The following PIWIL4 variants were observed in gnomAD, a reference collection of about 807,000 sequenced individuals.
PIWIL4 encodes piwi like RNA-mediated gene silencing 4, also known as piwi-like protein 4.
Under a neutral mutation model 100.9 loss-of-function variants are expected in PIWIL4, and 50 were observed. The ratio of observed to expected loss-of-function variants is 0.50; its 90% CI spans 0.39 to 0.63. The LOEUF (loss-of-function observed/expected upper bound fraction) is 0.63, where lower values mean the gene tolerates loss of function less well. Ranked by LOEUF, PIWIL4 falls within the 20% of genes least tolerant of loss-of-function variation. The pLI, the probability that PIWIL4 is intolerant of heterozygous loss-of-function variation, is 0.00. For synonymous variants in PIWIL4, 342 were observed against 367.5 expected (o/e 0.93, Z 0.79); for missense variants, 887 against 1,043.3 (o/e 0.85, Z 2.06).
chr11:94,589,490 T>C (rs1435429579), intron 8 of PIWIL4, among the ~76,000 whole-genome samples: 1 of 152,190 alleles, frequency 6.6e-6, no homozygotes, highest in African/African-American at 2.4e-5. Context: ...CTAATACATT[T>C]CCATGTCTCC....
chr11:94,611,113 C>A (rs899637528), intron 15 of PIWIL4, among the ~76,000 whole-genome samples: 1 of 152,072 alleles, frequency 6.6e-6, no homozygotes, highest in Non-Finnish European at 1.5e-5. Flanking sequence ...GGCGTCTTAT[C>A]CCATTCCATT....
chr11:94,620,811 C>T, intron 19 of PIWIL4, 65 bp from the exon 20 acceptor site: 1 of 1,268,726 alleles, frequency 7.9e-7, no homozygotes, highest in Non-Finnish European at 1.1e-6. Flanking sequence ...AAAGTAAAAT[C>T]AGAAAAAATC....
chr11:94,568,710 A>C lies in PIWIL4; in HGVS notation c.88-20A>C. On this transcript the variant is annotated intron_variant, in intron 1 of 19. Transcript: ENST00000299001. Reference sequence around the variant, plus strand: ...ACTTACCATTGTAAATCTGAACAAAACTTTTTTTTGCCATTTTAGCCTAGA... The same window carrying C: ...ACTTACCATTGTAAATCTGAACAAACCTTTTTTTTGCCATTTTAGCCTAGA... 1 of 1,556,940 alleles carries C rather than the reference A, an allele frequency of 6.4e-7. No homozygotes were observed. Among genetic ancestry groups the C allele is most frequent in the South Asian group, 1.1e-5 (1 of 89,782 alleles).
chr11:94,585,457 G>T lies in PIWIL4; in HGVS notation c.648G>T (p.Lys216Asn). Residue 216 changes from lysine (K) to asparagine (N), a missense_variant, in exon 6 of 20, where the codon AAG becomes AAT. Physicochemically the swap from Lys to Asn is moderately conservative, Grantham distance 94 (BLOSUM62 0). Transcript: ENST00000299001. ...FNIIFRKILK[K>N]LSMYQIGRNF... ...AATATACTTGCAGGATCCTCAAAAA[G>T]TTGTCCATGTACCAAATTGGACGGA... 2 of 1,608,924 alleles carry T rather than the reference G, an allele frequency of 1.2e-6. No individual in the cohort carries two copies. Among genetic ancestry groups the T allele is most frequent in the Non-Finnish European group, 1.7e-6 (2 of 1,178,144 alleles).
chr11:94,589,015 TC>T, intron 7 of PIWIL4, 105 bp from the exon 8 acceptor site: 1 of 699,178 alleles, frequency 1.4e-6, no homozygotes, highest in Non-Finnish European at 2.4e-6. Flanking sequence ...TTTCATAATT[TC>T]TGACATTCTG....
chr11:94,601,125 A>G (rs1233377538), intron 11 of PIWIL4, among the ~76,000 whole-genome samples: 1 of 151,746 alleles, frequency 6.6e-6, no homozygotes, highest in African/African-American at 2.4e-5. Flanking sequence ...CAGGCATAAG[A>G]AATCACAAAG....
intron 15 of PIWIL4, among the ~76,000 whole-genome samples, chr11:94,610,349 T>G (rs1948774467): frequency 6.6e-6 from 1 of 152,184 alleles, no homozygotes. Context: ...TTTCTTTTCC[T>G]TTGGATATAT....
At chr11:94,577,604 A>C in intron 4 of PIWIL4, 112 bp downstream of exon 4, 1 of 890,534 alleles carries the variant, frequency 1.1e-6, no homozygotes, top group Non-Finnish European at 1.6e-6. Context: ...TTTGTGGAAA[A>C]ATAGAATTAA....
At position 94,567,409 on chromosome 11, in the gene PIWIL4, A is replaced by G. The variant is rs758919499; in HGVS notation, c.-110A>G. 1 of 1,008,534 alleles carries G rather than the reference A, an allele frequency of 9.9e-7. No homozygotes were observed. The highest frequency in any genetic ancestry group is 1.4e-6 in the Non-Finnish European group (1 of 724,592). The allele number at this position is 1,008,534 out of a possible 1,614,324, so 62.5% of individuals were successfully genotyped here. ...CGTTGGTTGTGGATGCTGGACATCC[A>G]CCGCCTCCAGGCAGTTTCGCCGTCA... On this transcript the variant is annotated 5_prime_UTR_variant, in exon 1 of 20. Coordinates refer to ENST00000299001, the MANE Select transcript of PIWIL4 (RefSeq NM_152431.3).
At chr11:94,580,200 CAG>C (rs1948293512) in intron 4 of PIWIL4, among the ~76,000 whole-genome samples, 1 of 152,178 alleles carries the variant, frequency 6.6e-6, no homozygotes. Context: ...TAGGTTTAAA[CAG>C]AATAGTGTTG....
At chr11:94,598,705 CTTT>C (rs769342028) in intron 11 of PIWIL4, among the ~76,000 whole-genome samples, 24 of 110,046 alleles carry the variant, frequency 2.2e-4, no homozygotes, top group African/African-American at 3.6e-4. Context: ...TTTTTTCCAT[CTTT>C]TTTTTTTTTT....
rs183615288 is a variant in PIWIL4, at chr11:94,583,437, C to T, written c.514-11C>T. ...TTTGTAGGGTGCATATTAAGTACCT[C>T]TTTTTCCCAGGTCACAGAGTTGTCA... On this transcript the variant is annotated splice_polypyrimidine_tract_variant and intron_variant, in intron 4 of 19. Coordinates refer to ENST00000299001, the MANE Select transcript of PIWIL4 (RefSeq NM_152431.3). The T allele has an allele frequency of 2.5e-6, 4 of 1,613,026 alleles. No homozygotes were observed. The South Asian group carries it at 4.4e-5, about 18-fold the overall frequency.
intron 8 of PIWIL4, 60 bp from the exon 9 acceptor site, chr11:94,593,458 G>GAT: frequency 6.5e-7 from 1 of 1,542,018 alleles, no homozygotes; most frequent in Non-Finnish European, 8.9e-7. Flanking sequence ...TGAATGTAAG[G>GAT]ATGCTCACCT....
intron 4 of PIWIL4, among the ~76,000 whole-genome samples, chr11:94,580,522 C>T (rs975183769): frequency 6.6e-6 from 1 of 152,148 alleles, no homozygotes; most frequent in African/African-American, 2.4e-5. Context: ...ATCTATTTGC[C>T]ACTCTCATAT....
At position 94,619,744 on chromosome 11, in the gene PIWIL4, C is replaced by T. The variant is rs1565286153; in HGVS notation, c.2169-16C>T. 1 of 1,604,840 alleles carries T rather than the reference C, an allele frequency of 6.2e-7. No individual in the cohort carries two copies. The highest frequency in any genetic ancestry group is 8.5e-7 in the Non-Finnish European group (1 of 1,177,188). ...TGGATTGAGTTCTTTTCATATTTTG[C>T]CTCTCTAATTTTTAGCTCAAGACTG... On this transcript the variant is annotated splice_polypyrimidine_tract_variant and intron_variant, in intron 17 of 19. Transcript: ENST00000299001.
chr11:94,594,706 A>G (rs1400952566), intron 9 of PIWIL4, among the ~76,000 whole-genome samples: 1 of 151,854 alleles, frequency 6.6e-6, no homozygotes, highest in African/African-American at 2.4e-5. Flanking sequence ...CTAGTTTTGT[A>G]TTTTTAGTAG....
Position 94,607,511 on chromosome 11 carries a change from C to G in PIWIL4, c.1711C>G (p.Pro571Ala). ...SIKKYLSSDC[P>A]VPSQCVLART... ...TAAAAAATATTTGAGCTCAGACTGCCCAGTCCCAAGCCAATGTGTGCTTGC... is the reference window on the plus strand; with the variant it reads ...TAAAAAATATTTGAGCTCAGACTGCGCAGTCCCAAGCCAATGTGTGCTTGC... Residue 571 changes from proline to alanine, a missense_variant, in exon 14 of 20, where the codon CCA (proline) becomes GCA (alanine). By Grantham distance (27) the Pro-to-Ala change is conservative. This residue lies in a region of PIWIL4 where 741 missense variants were observed against 930.0 expected (regional missense o/e 0.80). Transcript: ENST00000299001. 6.2e-7 allele frequency: 1 copy of G among 1,613,882 alleles called. No individual in the cohort carries two copies. The highest frequency in any genetic ancestry group is 8.5e-7 in the Non-Finnish European group (1 of 1,179,940).
chr11:94,617,657 T>G, intron 16 of PIWIL4: 1 of 396,770 alleles, frequency 2.5e-6, no homozygotes. Flanking sequence ...ATTTGTCTAT[T>G]GCATTAATTT....
chr11:94,593,475 G>T (rs2135269849), intron 8 of PIWIL4, 43 bp from the exon 9 acceptor site: 2 of 1,591,110 alleles, frequency 1.3e-6, no homozygotes, highest in East Asian at 2.2e-5. Context: ...ACCTGGCGGT[G>T]CTTCCATGTT....
Sources: gnomAD v4.1 joint callset for allele counts (sites outside exome capture counted in the v4.1 genomes callset) on GRCh38, gnomAD v4.1.1 for gene constraint, gnomAD v4.1.1 regional missense constraint, MANE v1.5 for transcripts, NCBI Gene and HGNC (gene_info 2026-07-23, HGNC 2026-07-21) for gene names.